KCTD9: variants seen among roughly 807,000 people sequenced by gnomAD.
KCTD9 encodes the protein BTB/POZ domain-containing protein KCTD9.
In KCTD9, 17 loss-of-function variants were observed where a neutral mutation model predicts 53.3. That is an observed-to-expected ratio of 0.32 (90% CI 0.22 to 0.48). KCTD9 has a LOEUF of 0.48. Ranked by LOEUF, KCTD9 falls within the 20% of genes least tolerant of loss-of-function variation. KCTD9 has a pLI of 0.99. For missense variants in KCTD9, 179 were observed against 465.5 expected (o/e 0.38, Z 5.66); for synonymous variants, 128 against 162.7 (o/e 0.79, Z 1.62).
intron 1 of KCTD9, among the ~76,000 whole-genome samples, chr8:25,454,019 TTAC>T (rs1369865065): frequency 6.6e-6 from 1 of 152,180 alleles, no homozygotes; most frequent in East Asian, 1.9e-4. Context: ...ACCTGGATAC[TTAC>T]TACTAACAAC....
chr8:25,442,430 CTT>C (rs1332092258), intron 3 of KCTD9, among the ~76,000 whole-genome samples: 2 of 152,126 alleles, frequency 1.3e-5, no homozygotes, highest in Non-Finnish European at 2.9e-5. Context: ...TTTTCAATAG[CTT>C]CACTGAGGTA....
At chr8:25,455,414 G>C (rs1357841310) in intron 1 of KCTD9, among the ~76,000 whole-genome samples, 1 of 151,948 alleles carries the variant, frequency 6.6e-6, no homozygotes, top group African/African-American at 2.4e-5. Context: ...ATACACTTAG[G>C]GAGAGGCTGA....
At chr8:25,434,376 TC>T (rs895193806) in intron 9 of KCTD9, among the ~76,000 whole-genome samples, 4 of 152,136 alleles carry the variant, frequency 2.6e-5, no homozygotes, top group African/African-American at 9.7e-5. Context: ...ACAGGCATGA[TC>T]CACCACACGC....
At chr8:25,436,820 T>C (rs1802026057) in intron 6 of KCTD9, among the ~76,000 whole-genome samples, 1 of 152,222 alleles carries the variant, frequency 6.6e-6, no homozygotes, top group Non-Finnish European at 1.5e-5. Context: ...ATCCTTTACA[T>C]GACTTGGTAT....
intron 1 of KCTD9, among the ~76,000 whole-genome samples, chr8:25,451,878 C>T (rs1038069899): frequency 8.6e-5 from 13 of 151,998 alleles, no homozygotes; most frequent in African/African-American, 1.2e-4. Flanking sequence ...TATTTGAATT[C>T]AACTTTTATT....
chr8:25,453,826 T>C (rs1802379125), intron 1 of KCTD9, among the ~76,000 whole-genome samples: 1 of 152,182 alleles, frequency 6.6e-6, no homozygotes, highest in African/African-American at 2.4e-5. Context: ...ATGTTTGCTA[T>C]ATTATGTTCC....
At chr8:25,451,624 GTCAATTATTTTTAAATT>G (rs1802321640) in intron 1 of KCTD9, 1 of 152,252 alleles carries the variant, frequency 6.6e-6, no homozygotes, top group South Asian at 2.1e-4. Context: ...ACTTTTCAGA[GTCAATTATTTTTAAATT>G]TCAGATCCCA....
chr8:25,441,358 A>G (rs758881711), intron 3 of KCTD9, among the ~76,000 whole-genome samples: 2 of 152,184 alleles, frequency 1.3e-5, no homozygotes, highest in Non-Finnish European at 2.9e-5. Context: ...CTAATTTCAT[A>G]TAAAAATGAG....
chr8:25,439,020 A>G (rs1248018721), intron 6 of KCTD9, among the ~76,000 whole-genome samples: 1 of 152,222 alleles, frequency 6.6e-6, no homozygotes, highest in Non-Finnish European at 1.5e-5. Flanking sequence ...TTTAGAATAT[A>G]AAGTTGATGC....
In KCTD9 at chr8:25,440,600, T is replaced by G; in HGVS notation, c.288A>C (p.Gly96=). The G allele has an allele frequency of 6.2e-7, 1 of 1,611,148 alleles. No homozygotes were observed. The highest frequency in any genetic ancestry group is 8.5e-7 in the Non-Finnish European group (1 of 1,177,406). The stretch of plus-strand genomic sequence containing the variant: ...ACCGTGTAGTTGTAAAGTACCGCCC[T>G]CCAACATTTAATGTCAGCCAGTCTG... The part of the protein sequence containing the change: ...FHTDWLTLNV[G]GRYFTTTRST... The change falls in exon 4 of 12, where the codon GGA becomes GGC. Residue 96 remains glycine (G), a synonymous_variant. Transcript: ENST00000221200.
In KCTD9 at chr8:25,435,532, A is replaced by G. The variant is rs373577528; in HGVS notation, c.664-20T>C. 1.9e-6 allele frequency: 3 copies of G among 1,578,434 alleles called. No individual in the cohort carries two copies. The highest frequency in any genetic ancestry group is 2.7e-5 in the African/African-American group (2 of 73,126). On this transcript the variant is annotated intron_variant, in intron 8 of 11. Transcript: ENST00000221200. ...CAAACCCTGAAATAAAAAAGCACAAATTGTCACCATAACTAAATCGTCTGT... is the reference window on the plus strand; with the variant it reads ...CAAACCCTGAAATAAAAAAGCACAAGTTGTCACCATAACTAAATCGTCTGT...
Position 25,429,750 on chromosome 8 carries a change from A to G in KCTD9, c.*107T>C. The stretch of plus-strand genomic sequence containing the variant: ...TAATCCTCTAAATGTTTTTTTTTTA[A>G]ATTTCCTTACAGTGTTATTTCTTCT... On this transcript the variant is annotated 3_prime_UTR_variant, in exon 12 of 12. Coordinates refer to ENST00000221200, the MANE Select transcript of KCTD9 (RefSeq NM_017634.4). 2.9e-6 allele frequency: 2 copies of G among 680,932 alleles called. No homozygotes were observed. Among genetic ancestry groups the G allele is most frequent in the South Asian group, 3.5e-5 (2 of 57,088 alleles). 42.2% of individuals were successfully genotyped at this position (680,932 alleles called of 1,614,324 possible). A position where few individuals can be genotyped will look rare whatever the true frequency, so the allele number is the denominator to read the frequency against.
intron 6 of KCTD9, among the ~76,000 whole-genome samples, chr8:25,438,770 T>G (rs1338584044): frequency 6.6e-6 from 1 of 152,200 alleles, no homozygotes; most frequent in Non-Finnish European, 1.5e-5. Flanking sequence ...TAACACTCAT[T>G]TTTCCAATAT....
Position 25,439,349 on chromosome 8 carries a change from C to T in KCTD9, c.429G>A (p.Glu143=), listed in dbSNP as rs1802075657. Residue 143 remains glutamate (E), a synonymous_variant, in exon 6 of 12, where the codon GAG becomes GAA. Transcript: ENST00000221200. ...RGAFLIDRSP[E]YFEPILNYLR... is the part of the protein sequence containing the mutation. ...AGTAGTTCAAAATGGGTTCGAAGTA[C>T]TCAGGACTTCGGTCAATTAAGAAAG... The T allele has an allele frequency of 6.2e-7, 1 of 1,613,490 alleles. No homozygotes were observed. The highest frequency in any genetic ancestry group is 1.3e-5 in the African/African-American group (1 of 74,912).
intron 1 of KCTD9, among the ~76,000 whole-genome samples, chr8:25,452,340 G>T (rs1802340216): frequency 6.6e-6 from 1 of 152,118 alleles, no homozygotes; most frequent in Non-Finnish European, 1.5e-5. Context: ...ATGGTGGTGG[G>T]AATATAAATT....
intron 6 of KCTD9, among the ~76,000 whole-genome samples, chr8:25,437,946 G>T (rs942160908): frequency 6.9e-6 from 1 of 144,268 alleles, no homozygotes. Flanking sequence ...ACTGTAGATT[G>T]TTTTAAAGCA....
intron 1 of KCTD9, among the ~76,000 whole-genome samples, chr8:25,448,178 A>AAAAGG (rs1197827708): frequency 6.6e-6 from 1 of 151,510 alleles, no homozygotes; most frequent in Non-Finnish European, 1.5e-5. Context: ...AGAATAAAGA[A>AAAAGG]AAAGGAAAGG....
At chr8:25,453,741 G>T (rs939178760) in intron 1 of KCTD9, among the ~76,000 whole-genome samples, 1 of 151,984 alleles carries the variant, frequency 6.6e-6, no homozygotes, top group African/African-American at 2.4e-5. Context: ...AACAAAACAG[G>T]AGTACAGGAA....
intron 1 of KCTD9, among the ~76,000 whole-genome samples, chr8:25,453,653 CAA>C (rs571881844): frequency 3.1e-4 from 17 of 55,242 alleles, no homozygotes; most frequent in Admixed American, 4.1e-4. Context: ...GACTCCGACT[CAA>C]AAAAAAAAAA....
Sources: gnomAD v4.1 joint callset for allele counts (sites outside exome capture counted in the v4.1 genomes callset) on GRCh38, gnomAD v4.1.1 for gene constraint, MANE v1.5 for transcripts, NCBI Gene and HGNC (gene_info 2026-07-23, HGNC 2026-07-21) for gene names.